Variants in ZCCHC7 observed in about 807,000 individuals in gnomAD.
ZCCHC7 encodes zinc finger CCHC-type containing 7, also known as zinc finger CCHC domain-containing protein 7.
Under a neutral mutation model 52.0 loss-of-function variants are expected in ZCCHC7, and 35 were observed. The ratio of observed to expected loss-of-function variants is 0.67; its 90% CI spans 0.51 to 0.89. The LOEUF is 0.89. Ranked by LOEUF, ZCCHC7 falls within the 40% of genes least tolerant of loss-of-function variation. The pLI is 0.00. For synonymous variants in ZCCHC7, 217 were observed against 221.5 expected, an observed-to-expected ratio of 0.98 and a Z score of 0.18; for missense variants, 574 against 649.1, an observed-to-expected ratio of 0.88 and a Z score of 1.26.
chr9:37,283,394 A>G (rs1215799337), intron 2 of ZCCHC7, among the ~76,000 whole-genome samples: 2 of 152,202 alleles, frequency 1.3e-5, no homozygotes, highest in African/African-American at 4.8e-5. Context: ...ACATATCTAC[A>G]TCTAACTATA....
chr9:37,308,423 C>T (rs558527599), intron 5 of ZCCHC7, among the ~76,000 whole-genome samples: 1 of 152,064 alleles, frequency 6.6e-6, no homozygotes, highest in Admixed American at 6.5e-5. Flanking sequence ...GGGAGTAAGA[C>T]ATTATCATAG....
At chr9:37,282,848 G>A (rs1291039977) in intron 2 of ZCCHC7, among the ~76,000 whole-genome samples, 1 of 137,146 alleles carries the variant, frequency 7.3e-6, no homozygotes, top group Non-Finnish European at 1.6e-5. Context: ...GAGGGGGTAA[G>A]AAAAGAGTCA....
rs1339548189 is a variant in ZCCHC7, at chr9:37,126,836, A to G, written c.504A>G (p.Ser168=). ...GTGAAGAGGAAGAGAGCACCATTTC[A>G]GAAGGTGATAATGTGGAAAGCTGGA... ...SSSEEEESTI[S]EGDNVESWML... is the part of the protein sequence containing the mutation. The change falls in exon 2 of 9, where the codon TCA becomes TCG. Residue 168 remains serine, a synonymous_variant. Transcript: ENST00000336755. 6.2e-7 allele frequency: 1 copy of G among 1,614,188 alleles called. No individual in the cohort carries two copies. Among genetic ancestry groups the G allele is most frequent in the South Asian group, 1.1e-5 (1 of 91,082 alleles).
At chr9:37,301,302 A>G (rs1829020799) in intron 2 of ZCCHC7, among the ~76,000 whole-genome samples, 1 of 152,214 alleles carries the variant, frequency 6.6e-6, no homozygotes, top group Non-Finnish European at 1.5e-5. Flanking sequence ...AGAGGGTTAT[A>G]GAAGTAAGGG....
chr9:37,336,254 G>C (rs981325822), intron 6 of ZCCHC7, among the ~76,000 whole-genome samples: 4 of 152,138 alleles, frequency 2.6e-5, no homozygotes, highest in Non-Finnish European at 5.9e-5. Context: ...GATACGTCCA[G>C]CGAAAAAGGC....
intron 2 of ZCCHC7, among the ~76,000 whole-genome samples, chr9:37,228,285 G>A (rs1825219221): frequency 6.6e-6 from 1 of 152,072 alleles, no homozygotes; most frequent in Non-Finnish European, 1.5e-5. Context: ...AAAATGTTCT[G>A]TACCTTAATT....
At chr9:37,231,444 C>T (rs181375221) in intron 2 of ZCCHC7, among the ~76,000 whole-genome samples, 2 of 152,138 alleles carry the variant, frequency 1.3e-5, no homozygotes, top group Non-Finnish European at 2.9e-5. Flanking sequence ...GTTGGTGTTG[C>T]TATCGAGATC....
At chr9:37,199,861 C>T (rs184554867) in intron 2 of ZCCHC7, among the ~76,000 whole-genome samples, 1,691 of 151,856 alleles carry the variant, frequency 0.011, 16 homozygotes, top group Non-Finnish European at 0.017. Flanking sequence ...CCCGCCACCA[C>T]GCCCGGCTAA....
chr9:37,324,086 T>C (rs1830150528), intron 5 of ZCCHC7, among the ~76,000 whole-genome samples: 1 of 152,260 alleles, frequency 6.6e-6, no homozygotes, highest in Non-Finnish European at 1.5e-5. Flanking sequence ...CTCTTTATTC[T>C]TTATTTATGT....
chr9:37,266,720 A>G (rs1440607306), intron 2 of ZCCHC7, among the ~76,000 whole-genome samples: 1 of 152,110 alleles, frequency 6.6e-6, no homozygotes, highest in Non-Finnish European at 1.5e-5. Context: ...CAAAAAACAG[A>G]AAAATTAACC....
intron 2 of ZCCHC7, 51 bp downstream of exon 2, chr9:37,126,993 G>T (rs990514081): frequency 1.9e-6 from 3 of 1,582,366 alleles, no homozygotes; most frequent in South Asian, 1.2e-5. Context: ...TCATAAGGAG[G>T]ACTGCTTTTC....
intron 2 of ZCCHC7, among the ~76,000 whole-genome samples, chr9:37,176,681 C>G (rs1048268698): frequency 2.0e-5 from 3 of 151,914 alleles, no homozygotes; most frequent in African/African-American, 7.3e-5. Context: ...AGTAATGCTT[C>G]TAAATGTCAG....
chr9:37,307,975 A>G (rs1829408625), intron 5 of ZCCHC7, among the ~76,000 whole-genome samples: 1 of 152,184 alleles, frequency 6.6e-6, no homozygotes, highest in Non-Finnish European at 1.5e-5. Flanking sequence ...GATTGTACCA[A>G]TGTATCTACC....
chr9:37,124,705 T>C (rs921706447), intron 1 of ZCCHC7, among the ~76,000 whole-genome samples: 14 of 152,224 alleles, frequency 9.2e-5, no homozygotes, highest in Admixed American at 2.0e-4. Context: ...AGATGAAGGC[T>C]GAGGAGGATT....
At chr9:37,210,072 T>C (rs1357188322) in intron 2 of ZCCHC7, among the ~76,000 whole-genome samples, 1 of 152,232 alleles carries the variant, frequency 6.6e-6, no homozygotes, top group East Asian at 1.9e-4. Flanking sequence ...CTTTCACCCT[T>C]TCTTGGCTCT....
At chr9:37,222,328 A>AGTGTGTGTGTGTGT (rs74182938) in intron 2 of ZCCHC7, among the ~76,000 whole-genome samples, 4 of 133,096 alleles carry the variant, frequency 3.0e-5, no homozygotes, top group South Asian at 2.6e-4. Context: ...AGAATAACAG[A>AGTGTGTGTGTGTGT]GTGTGTGTGT....
chr9:37,226,493 C>T (rs1825110660), intron 2 of ZCCHC7, among the ~76,000 whole-genome samples: 1 of 151,764 alleles, frequency 6.6e-6, no homozygotes, highest in Admixed American at 6.6e-5. Context: ...TGATTAAAAC[C>T]GCAGGATAGT....
intron 2 of ZCCHC7, among the ~76,000 whole-genome samples, chr9:37,282,604 C>CAA (rs60743608): frequency 1.2e-3 from 62 of 51,994 alleles, no homozygotes; most frequent in East Asian, 2.1e-3. Flanking sequence ...GACTCTGTCT[C>CAA]AAAAAAAAAA....
chr9:37,280,758 CTCTT>C (rs899283889), intron 2 of ZCCHC7, among the ~76,000 whole-genome samples: 82 of 152,200 alleles, frequency 5.4e-4, no homozygotes, highest in African/African-American at 2.0e-3. Flanking sequence ...CTCTCTCTCT[CTCTT>C]TCTTTCTCTT....
Sources: allele counts gnomAD v4.1 joint callset (sites outside exome capture counted in the v4.1 genomes callset), GRCh38; gene constraint gnomAD v4.1.1; transcripts MANE v1.5; gene names NCBI Gene and HGNC (gene_info 2026-07-23, HGNC 2026-07-21).